DOCK8: variants seen among roughly 807,000 people sequenced by gnomAD.
The protein encoded by DOCK8 is dedicator of cytokinesis 8, also known as dedicator of cytokinesis protein 8.
A neutral mutation model predicts 245.6 loss-of-function variants in DOCK8; 141 were observed. The ratio of observed to expected loss-of-function variants is 0.57; its 90% CI spans 0.50 to 0.66. The LOEUF (loss-of-function observed/expected upper bound fraction) is 0.66, where lower values mean the gene tolerates loss of function less well. Ranked by LOEUF, DOCK8 falls within the 30% of genes least tolerant of loss-of-function variation. DOCK8 has a pLI of 0.00. For missense variants in DOCK8, 2,965 were observed against 2,603.4 expected (o/e 1.14, Z -3.02); for synonymous variants, 1,168 against 970.2 (o/e 1.20, Z -3.79).
At chr9:443,370 C>CA (rs1393364646) in intron 42 of DOCK8, 57 bp from the exon 43 acceptor site, 135 of 1,508,056 alleles carry the variant, frequency 9.0e-5, no homozygotes, top group Non-Finnish European at 1.2e-4. Context: ...TCCAAGAAGA[C>CA]AAAGAGTTGC....
chr9:442,134 C>T lies in DOCK8; in HGVS notation c.5490+125C>T, dbSNP rs191102007. 3.4e-3 allele frequency: 4,790 copies of T among 1,388,796 alleles called. 99 individuals carry two copies. The East Asian group carries it at 0.042, about 12-fold the overall frequency. The allele number at this position is 1,388,796 out of a possible 1,614,324, so 86.0% of individuals were successfully genotyped here. ...ATCATTGATCTCTACATAAAGTTTT[C>T]CCCTTTGCATTTATAAAAGGCAAAG... On this transcript the variant is annotated intron_variant, in intron 42 of 47. Transcript: ENST00000432829.
In DOCK8 at chr9:370,233, A is replaced by G. The variant is rs767865822; in HGVS notation, c.1801A>G (p.Ile601Val). Residue 601 changes from isoleucine to valine, a missense_variant, in exon 16 of 48, where the codon ATC becomes GTC. Ile to Val is a conservative substitution (Grantham distance 29). This residue lies in a region of DOCK8 where 2,825 missense variants were observed against 2,453.5 expected (regional missense o/e 1.15). Coordinates refer to ENST00000432829, the MANE Select transcript of DOCK8 (RefSeq NM_203447.4). ...TCCTTTCTCTACTGGTGAACAGGTC[A>G]TCTTTGGAAAATCCAGCGGGCCTGA... Reference protein sequence around the residue: ...GEDASNAMPVIFGKSSGPEFL... With the variant: ...GEDASNAMPVVFGKSSGPEFL... 4.3e-6 allele frequency: 7 copies of G among 1,613,834 alleles called. No homozygotes were observed. The highest frequency in any genetic ancestry group is 5.9e-6 in the Non-Finnish European group (7 of 1,179,662).
chr9:409,648 T>C (rs1221058242), intron 28 of DOCK8, among the ~76,000 whole-genome samples: 1 of 152,174 alleles, frequency 6.6e-6, no homozygotes, highest in African/African-American at 2.4e-5. Flanking sequence ...TTGTTACATA[T>C]GTATATATGC....
chr9:421,437 G>A (rs549249562), intron 32 of DOCK8, among the ~76,000 whole-genome samples: 2 of 152,284 alleles, frequency 1.3e-5, no homozygotes, highest in East Asian at 1.9e-4. Flanking sequence ...TCCGGAGCAT[G>A]GTCAAGAAAC....
intron 39 of DOCK8, among the ~76,000 whole-genome samples, chr9:436,900 A>G (rs908761022): frequency 1.3e-5 from 2 of 152,224 alleles, no homozygotes; most frequent in African/African-American, 4.8e-5. Flanking sequence ...GGCACAAGAT[A>G]TTGTGAGCAT....
chr9:256,983 C>G (rs1338943923), intron 1 of DOCK8, among the ~76,000 whole-genome samples: 1 of 152,230 alleles, frequency 6.6e-6, no homozygotes, highest in Admixed American at 6.5e-5. Context: ...TGAGCCTGCT[C>G]TCCTTCTCCA....
intron 25 of DOCK8, among the ~76,000 whole-genome samples, chr9:397,354 A>AAC (rs1444592526): frequency 7.7e-6 from 1 of 130,700 alleles, no homozygotes; most frequent in Non-Finnish European, 1.7e-5. Context: ...CTGTCTCAAA[A>AAC]AAAAAAAAAA....
chr9:438,887 A>T (rs2056992835), intron 39 of DOCK8, among the ~76,000 whole-genome samples: 1 of 152,208 alleles, frequency 6.6e-6, no homozygotes, highest in Admixed American at 6.5e-5. Flanking sequence ...TGAAACAGGG[A>T]GCCTAGTTAA....
chr9:425,402 G>A (rs538567198), intron 33 of DOCK8, among the ~76,000 whole-genome samples: 3 of 152,092 alleles, frequency 2.0e-5, no homozygotes, highest in East Asian at 1.9e-4. Context: ...CGCGGTGGCG[G>A]GCGCCTGTAG....
At chr9:249,215 C>T (rs922561181) in intron 1 of DOCK8, among the ~76,000 whole-genome samples, 4 of 152,204 alleles carry the variant, frequency 2.6e-5, no homozygotes, top group East Asian at 3.9e-4. Context: ...GACTGGGGGA[C>T]ACCACTTCCT....
At chr9:294,895 C>T (rs1003189511) in intron 4 of DOCK8, among the ~76,000 whole-genome samples, 1 of 152,198 alleles carries the variant, frequency 6.6e-6, no homozygotes, top group Non-Finnish European at 1.5e-5. Context: ...CATGGTGGCT[C>T]ATGCCTGTAA....
At chr9:285,699 A>G (rs568287993) in intron 2 of DOCK8, among the ~76,000 whole-genome samples, 11 of 152,330 alleles carry the variant, frequency 7.2e-5, no homozygotes, top group Admixed American at 7.2e-4. Context: ...TATAATTACC[A>G]TCAATTTCTA....
intron 14 of DOCK8, among the ~76,000 whole-genome samples, chr9:361,332 C>T (rs142725421): frequency 1.7e-4 from 26 of 152,176 alleles, no homozygotes; most frequent in African/African-American, 6.0e-4. Flanking sequence ...GATTGACTTC[C>T]CAGGTAACAT....
intron 1 of DOCK8, among the ~76,000 whole-genome samples, chr9:261,426 A>G (rs779408604): frequency 1.3e-5 from 2 of 152,222 alleles, no homozygotes; most frequent in Non-Finnish European, 2.9e-5. Context: ...TAGAGCTAGT[A>G]TGTTTTTGTT....
chr9:391,052 C>G (rs554660725), intron 24 of DOCK8, among the ~76,000 whole-genome samples: 1 of 152,174 alleles, frequency 6.6e-6, no homozygotes, highest in Non-Finnish European at 1.5e-5. Context: ...ACGCCACATT[C>G]CCCCATCATT....
intron 1 of DOCK8, among the ~76,000 whole-genome samples, chr9:242,248 CA>C (rs2047390895): frequency 6.6e-6 from 1 of 152,094 alleles, no homozygotes; most frequent in African/African-American, 2.4e-5. Flanking sequence ...CACCACCCCC[CA>C]AAAAATGACT....
chr9:450,727 A>G (rs1480624369), intron 45 of DOCK8, among the ~76,000 whole-genome samples: 2 of 151,346 alleles, frequency 1.3e-5, no homozygotes, highest in Non-Finnish European at 2.9e-5. Flanking sequence ...CAAGATCAGG[A>G]AAAAAAAATG....
intron 19 of DOCK8, 113 bp downstream of exon 19, chr9:376,418 C>A (rs2053517682): frequency 3.6e-6 from 3 of 833,428 alleles, no homozygotes; most frequent in African/African-American, 1.7e-5. Context: ...TAAAAAATAA[C>A]CCTTTAGTTC....
At chr9:412,416 AAAAAAG>A (rs2055779578) in intron 28 of DOCK8, among the ~76,000 whole-genome samples, 1 of 151,708 alleles carries the variant, frequency 6.6e-6, no homozygotes, top group East Asian at 1.9e-4. Context: ...AAAAAAAAAA[AAAAAAG>A]AAAAAGAAGA....
Sources: gnomAD v4.1 joint callset for allele counts (sites outside exome capture counted in the v4.1 genomes callset) on GRCh38, gnomAD v4.1.1 for gene constraint, gnomAD v4.1.1 regional missense constraint, MANE v1.5 for transcripts, NCBI Gene and HGNC (gene_info 2026-07-23, HGNC 2026-07-21) for gene names.